Variants in ARSB observed in about 807,000 individuals in gnomAD.
ARSB encodes N-acetylgalactosamine-4-sulfatase.
Under a neutral mutation model 50.9 loss-of-function variants are expected in ARSB, and 41 were observed. The ratio of observed to expected loss-of-function variants is 0.81; its 90% CI spans 0.63 to 1.04. The LOEUF is 1.04. Among genes scored for constraint, ARSB ranks in the 50% least tolerant of loss-of-function variants. The pLI is 0.00. For synonymous variants in ARSB, 269 were observed against 284.8 expected (o/e 0.94, Z 0.56); for missense variants, 672 against 693.3 (o/e 0.97, Z 0.35).
intron 6 of ARSB, among the ~76,000 whole-genome samples, chr5:78,795,167 A>G (rs1743133399): frequency 6.6e-6 from 1 of 152,230 alleles, no homozygotes; most frequent in Non-Finnish European, 1.5e-5. Context: ...TACACAGTTA[A>G]GGCAGTGGTT....
intron 6 of ARSB, among the ~76,000 whole-genome samples, chr5:78,829,308 C>CT (rs1476648694): frequency 2.6e-5 from 4 of 152,172 alleles, no homozygotes; most frequent in African/African-American, 9.7e-5. Context: ...GTTAAATATT[C>CT]TTTTCCTTCA....
intron 6 of ARSB, among the ~76,000 whole-genome samples, chr5:78,833,703 A>T (rs958988225): frequency 6.6e-6 from 1 of 152,238 alleles, no homozygotes; most frequent in African/African-American, 2.4e-5. Flanking sequence ...CCAGACTCAG[A>T]GGGAAGTCAG....
rs61148797 is a variant in ARSB at position 78,823,684 on chromosome 5, CA to C, written c.1213+15671del. On this transcript the variant is annotated intron_variant, in intron 6 of 7. Coordinates refer to ENST00000264914, the MANE Select transcript of ARSB (RefSeq NM_000046.5). ...GTTCACATAAGGAGAAAACCAGGAACAAAAGGAAAAGAGACCAAGCTTCTGT... is the reference window on the plus strand; with the variant it reads ...GTTCACATAAGGAGAAAACCAGGAACAAAGGAAAAGAGACCAAGCTTCTGT... Among the ~76,000 whole-genome samples the C allele has an allele frequency of 5.6e-3, 846 of 152,252 alleles. 9 individuals carry two copies. The highest frequency in any genetic ancestry group is 0.02 in the African/African-American group (813 of 41,542).
chr5:78,799,957 A>C (rs1264136541), intron 6 of ARSB, among the ~76,000 whole-genome samples: 2 of 152,158 alleles, frequency 1.3e-5, no homozygotes, highest in African/African-American at 4.8e-5. Flanking sequence ...GTGAATGAAA[A>C]AGTGGGAATA....
intron 4 of ARSB, among the ~76,000 whole-genome samples, chr5:78,940,681 A>T (rs1290857511): frequency 6.6e-6 from 1 of 152,214 alleles, no homozygotes; most frequent in Non-Finnish European, 1.5e-5. Context: ...TGTTTCAGTC[A>T]CTGTAGCCTT....
At position 78,884,755 on chromosome 5, in the gene ARSB, G is replaced by A. The variant is rs528415177; in HGVS notation, c.1142+829C>T. On this transcript the variant is annotated intron_variant, in intron 5 of 7. Transcript: ENST00000264914. ...AAAACATATACTTTAAAAAGGATGA[G>A]ATGAAATTAGATATTAATACAAATA... The A allele has an allele frequency of 5.3e-5, 8 of 152,160 alleles. No homozygotes were observed. In the South Asian group the frequency reaches 1.5e-3, roughly 28 times the overall value. 9.4% of individuals were successfully genotyped at this position (152,160 alleles called of 1,614,324 possible).
At chr5:78,957,659 G>A (rs777689418) in intron 3 of ARSB, among the ~76,000 whole-genome samples, 13 of 152,104 alleles carry the variant, frequency 8.5e-5, no homozygotes, top group African/African-American at 3.1e-4. Context: ...GCTTCCACTC[G>A]ACACACATAC....
chr5:78,964,703 G>A lies in ARSB; in HGVS notation c.500-97C>T, dbSNP rs1035973889. Reference sequence around the variant, plus strand: ...AATTGCCTAATGCAATTGATTACCCGTGACGAGGCTAATCAAATGACAAGG... The same window carrying A: ...AATTGCCTAATGCAATTGATTACCCATGACGAGGCTAATCAAATGACAAGG... On this transcript the variant is annotated intron_variant, in intron 2 of 7. Coordinates refer to ENST00000264914, the MANE Select transcript of ARSB (RefSeq NM_000046.5). 4.3e-5 allele frequency: 48 copies of A among 1,128,450 alleles called. No homozygotes were observed. In the East Asian group the frequency reaches 4.8e-4, roughly 11 times the overall value. The allele number at this position is 1,128,450 out of a possible 1,614,324, so 69.9% of individuals were successfully genotyped here. A position where few individuals can be genotyped will look rare whatever the true frequency, so the allele number is the denominator to read the frequency against.
chr5:78,984,168 A>T (rs1388381519), intron 1 of ARSB, among the ~76,000 whole-genome samples: 1 of 152,324 alleles, frequency 6.6e-6, no homozygotes, highest in East Asian at 1.9e-4. Flanking sequence ...CCTCGTCTGT[A>T]AAACGGGGTA....
chr5:78,968,241 G>A (rs7731086), intron 2 of ARSB, among the ~76,000 whole-genome samples: 39,979 of 150,560 alleles, frequency 0.27, 6,630 homozygotes, highest in African/African-American at 0.47. Context: ...AAAAAAAAAG[G>A]AAAAATTGTG....
intron 5 of ARSB, among the ~76,000 whole-genome samples, chr5:78,865,437 C>T (rs1746675881): frequency 6.6e-6 from 1 of 152,120 alleles, no homozygotes; most frequent in South Asian, 2.1e-4. Context: ...GCACAGGGAC[C>T]CTAGGCCTGG....
intron 5 of ARSB, among the ~76,000 whole-genome samples, chr5:78,842,329 C>G (rs140582437): frequency 1.3e-5 from 2 of 152,202 alleles, no homozygotes; most frequent in East Asian, 3.9e-4. Flanking sequence ...ATAATTTTGC[C>G]TAGGAGATAT....
chr5:78,812,954 A>G (rs1465554224), intron 6 of ARSB, among the ~76,000 whole-genome samples: 1 of 152,150 alleles, frequency 6.6e-6, no homozygotes, highest in African/African-American at 2.4e-5. Context: ...TCACACCACT[A>G]CGCTCCAGCC....
chr5:78,978,435 T>C (rs1299201028), intron 1 of ARSB, among the ~76,000 whole-genome samples: 1 of 152,140 alleles, frequency 6.6e-6, no homozygotes, highest in East Asian at 1.9e-4. Context: ...TCCAAATAGT[T>C]TTACAGATCA....
At chr5:78,899,582 C>T (rs1225606579) in intron 4 of ARSB, among the ~76,000 whole-genome samples, 1 of 152,052 alleles carries the variant, frequency 6.6e-6, no homozygotes, top group Non-Finnish European at 1.5e-5. Flanking sequence ...AGATTCTTTC[C>T]TCTGCTTGGC....
intron 4 of ARSB, among the ~76,000 whole-genome samples, chr5:78,923,603 C>T (rs546867522): frequency 9.2e-5 from 14 of 152,284 alleles, no homozygotes; most frequent in African/African-American, 2.9e-4. Context: ...CTTAAGCTCA[C>T]GTCGTCATCT....
intron 6 of ARSB, among the ~76,000 whole-genome samples, chr5:78,838,637 A>G (rs1315012981): frequency 1.3e-5 from 2 of 152,192 alleles, no homozygotes; most frequent in Non-Finnish European, 2.9e-5. Flanking sequence ...TTGCAAGATG[A>G]GCATTATGAT....
At position 78,854,110 on chromosome 5, in the gene ARSB, G is replaced by C. The variant is rs1479101061; in HGVS notation, c.1143-14684C>G. Among the ~76,000 whole-genome samples the C allele has an allele frequency of 3.3e-5, 5 of 152,212 alleles. No homozygotes were observed. The South Asian group carries it at 1.0e-3, about 32-fold the overall frequency. The stretch of plus-strand genomic sequence containing the variant: ...TTGCACTCCCTAGTGAGATGAATCC[G>C]GTACCTCAGAGGGAAATGCAGAAAT... On this transcript the variant is annotated intron_variant, in intron 5 of 7. Coordinates refer to ENST00000264914, the MANE Select transcript of ARSB (RefSeq NM_000046.5).
At chr5:78,898,610 T>C (rs1748673350) in intron 4 of ARSB, among the ~76,000 whole-genome samples, 1 of 152,232 alleles carries the variant, frequency 6.6e-6, no homozygotes, top group Non-Finnish European at 1.5e-5. Flanking sequence ...CTTATTATTG[T>C]ACAGTTCTGC....
Sources: allele counts gnomAD v4.1 joint callset (sites outside exome capture counted in the v4.1 genomes callset), GRCh38; gene constraint gnomAD v4.1.1; transcripts MANE v1.5; gene names NCBI Gene and HGNC (gene_info 2026-07-23, HGNC 2026-07-21).